ARSJ: variants seen among roughly 807,000 people sequenced by gnomAD.
ARSJ encodes arylsulfatase J.
In ARSJ, 26 loss-of-function variants were observed where a neutral mutation model predicts 35.9. That is an observed-to-expected ratio of 0.72 (90% confidence interval 0.53 to 1.00). The LOEUF (loss-of-function observed/expected upper bound fraction) is 1.00. ARSJ is among the 50% of genes least tolerant of loss of function. The probability of loss-of-function intolerance (pLI) is 0.00; values close to 1 mark genes in which losing one functional copy is unlikely to be tolerated. For synonymous variants in ARSJ, 294 were observed against 267.6 expected (o/e 1.10, Z -0.96); for missense variants, 667 against 723.6 (o/e 0.92, Z 0.90).
intron 1 of ARSJ, among the ~76,000 whole-genome samples, chr4:113,975,970 G>A (rs1727565817): frequency 6.6e-6 from 1 of 152,042 alleles, no homozygotes; most frequent in Admixed American, 6.5e-5. Flanking sequence ...CAGAGATTAG[G>A]GCTCACTTCT....
Position 113,903,455 on chromosome 4 carries a change from A to C in ARSJ, c.619T>G (p.Tyr207Asp). The change falls in exon 2 of 2, where the codon TAT (tyrosine) becomes GAT (aspartate). Residue 207 changes from tyrosine (Y) to aspartate (D), a missense_variant. Transcript: ENST00000315366. ...FGSLLGSGDY[Y>D]THYKCDSPGM... ...GGACTGTCACATTTGTAGTGTGTAT[A>C]GTAATCCCCACTTCCCAAAAGGGAA... The C allele has an allele frequency of 6.2e-7, 1 of 1,614,212 alleles. No individual in the cohort carries two copies.
At chr4:113,954,793 T>C (rs1477436287) in intron 1 of ARSJ, among the ~76,000 whole-genome samples, 3 of 152,208 alleles carry the variant, frequency 2.0e-5, no homozygotes, top group South Asian at 4.1e-4. Context: ...AAAATGTCCA[T>C]GGGCATTCTA....
At chr4:113,915,957 GA>G (rs1478736054) in intron 1 of ARSJ, among the ~76,000 whole-genome samples, 1 of 152,166 alleles carries the variant, frequency 6.6e-6, no homozygotes, top group East Asian at 1.9e-4. Flanking sequence ...TTATAGACTG[GA>G]AAGGACACTA....
At chr4:113,923,959 C>G (rs188533001) in intron 1 of ARSJ, among the ~76,000 whole-genome samples, 97 of 148,482 alleles carry the variant, frequency 6.5e-4, no homozygotes, top group African/African-American at 2.3e-3. Context: ...TTTGTCTTCT[C>G]TGTGCTTTAG....
chr4:113,978,824 C>T lies in ARSJ; in HGVS notation c.11G>A (p.Arg4Lys). 6.2e-7 allele frequency: 1 copy of T among 1,601,242 alleles called. No homozygotes were observed. The highest frequency in any genetic ancestry group is 1.3e-5 in the African/African-American group (1 of 74,468). Residue 4 changes from arginine to lysine, a missense_variant, in exon 1 of 2, where the codon AGG (arginine) becomes AAG (lysine). By Grantham distance (26) the Arg-to-Lys change is conservative. Transcript: ENST00000315366. Reference protein sequence around the residue: MAPRGCAGHPPPPS... With the variant: MAPKGCAGHPPPPS... ...CGGAGGCGGATGCCCCGCACAGCCC[C>T]TGGGAGCCATTCACTCAGGTCCCAG...
rs761085854 is a variant in ARSJ, at chr4:113,978,785, G to A, written c.50C>T (p.Ala17Val). The change falls in exon 1 of 2, where the codon GCC (alanine) becomes GTC (valine). Residue 17 changes from alanine to valine, a missense_variant. By Grantham distance (64) the Ala-to-Val change is moderately conservative. Coordinates refer to ENST00000315366, the MANE Select transcript of ARSJ (RefSeq NM_024590.4). Reference sequence around the variant, plus strand: ...TAGCATCTTTCCAGGACAGACACAGGCCTGTGGAGAAGGCGGAGGCGGATG... The same window carrying A: ...TAGCATCTTTCCAGGACAGACACAGACCTGTGGAGAAGGCGGAGGCGGATG... ...AGHPPPPSPQ[A>V]CVCPGKMLAM... 1.7e-5 allele frequency: 27 copies of A among 1,613,992 alleles called. No homozygotes were observed. The highest frequency in any genetic ancestry group is 2.3e-5 in the Non-Finnish European group (27 of 1,179,920).
chr4:113,901,952 C>T lies in ARSJ; in HGVS notation c.*322G>A. On this transcript the variant is annotated 3_prime_UTR_variant, in exon 2 of 2. Coordinates refer to ENST00000315366, the MANE Select transcript of ARSJ (RefSeq NM_024590.4). ...TTGCGGATGGTAGGTTATTGTTCTC[C>T]TCCTATAATTCAAAGCAGTGTTTGG... 1 of 444,092 alleles carries T rather than the reference C, an allele frequency of 2.3e-6. No individual in the cohort carries two copies. The highest frequency in any genetic ancestry group is 2.4e-5 in the South Asian group (1 of 42,294). The allele number at this position is 444,092 out of a possible 1,614,324, so 27.5% of individuals were successfully genotyped here.
chr4:113,975,811 T>C (rs1327202726), intron 1 of ARSJ, among the ~76,000 whole-genome samples: 14 of 152,214 alleles, frequency 9.2e-5, no homozygotes, highest in Non-Finnish European at 4.4e-5. Flanking sequence ...GATGATGTCA[T>C]CATCACAATA....
At chr4:113,916,638 AC>A (rs1224534035) in intron 1 of ARSJ, among the ~76,000 whole-genome samples, 2 of 152,090 alleles carry the variant, frequency 1.3e-5, no homozygotes, top group Non-Finnish European at 2.9e-5. Flanking sequence ...AAAACATGAT[AC>A]CATTGCTTGG....
chr4:113,923,337 T>C (rs1182605422), intron 1 of ARSJ, among the ~76,000 whole-genome samples: 2 of 152,190 alleles, frequency 1.3e-5, no homozygotes, highest in Non-Finnish European at 2.9e-5. Context: ...TCTTGAACTT[T>C]CAGAGAATAA....
intron 1 of ARSJ, among the ~76,000 whole-genome samples, chr4:113,941,441 G>A (rs66541719): frequency 0.27 from 41,331 of 151,900 alleles, 5,914 homozygotes; most frequent in Middle Eastern, 0.4. Context: ...CAAAGATGAG[G>A]AGGCATGGCA....
chr4:113,977,587 G>A (rs541572789), intron 1 of ARSJ, among the ~76,000 whole-genome samples: 3 of 152,178 alleles, frequency 2.0e-5, no homozygotes, highest in Admixed American at 6.5e-5. Flanking sequence ...GTTTATCTTC[G>A]TTCCACAGGC....
intron 1 of ARSJ, among the ~76,000 whole-genome samples, chr4:113,923,652 T>C (rs1434947590): frequency 6.6e-6 from 1 of 152,054 alleles, no homozygotes; most frequent in African/African-American, 2.4e-5. Flanking sequence ...TCCAACATCC[T>C]ATTTGCACTG....
rs1380540573 is a variant in ARSJ at position 113,903,575 on chromosome 4, C to A, written c.499G>T (p.Val167Phe). 2 of 1,614,072 alleles carry A rather than the reference C, an allele frequency of 1.2e-6. No homozygotes were observed. Among genetic ancestry groups the A allele is most frequent in the African/African-American group, 1.3e-5 (1 of 74,930 alleles). The change falls in exon 2 of 2, where the codon GTT (valine) becomes TTT (phenylalanine). Residue 167 changes from valine (V) to phenylalanine (F), a missense_variant. Coordinates refer to ENST00000315366, the MANE Select transcript of ARSJ (RefSeq NM_024590.4). Reference protein sequence around the residue: ...NATLPQKLKEVGYSTHMVGKW... With the variant: ...NATLPQKLKEFGYSTHMVGKW... ...CCGACCATATGCGTTGAATATCCAA[C>A]CTCCTTCAGTTTCTGAGGTAGGGTG...
At chr4:113,915,392 T>C (rs1723233232) in intron 1 of ARSJ, among the ~76,000 whole-genome samples, 1 of 152,142 alleles carries the variant, frequency 6.6e-6, no homozygotes, top group African/African-American at 2.4e-5. Flanking sequence ...ACTTTATAAG[T>C]AGCTTATTTA....
chr4:113,933,115 T>C (rs1243138029), intron 1 of ARSJ, among the ~76,000 whole-genome samples: 1 of 151,746 alleles, frequency 6.6e-6, no homozygotes, highest in Non-Finnish European at 1.5e-5. Context: ...CTATAAGAAA[T>C]GGATAAATTG....
At chr4:113,963,190 G>A (rs1458691547) in intron 1 of ARSJ, among the ~76,000 whole-genome samples, 1 of 151,864 alleles carries the variant, frequency 6.6e-6, no homozygotes, top group Non-Finnish European at 1.5e-5. Context: ...GTGTCTTCTT[G>A]CACTAGAATA....
intron 1 of ARSJ, among the ~76,000 whole-genome samples, chr4:113,911,979 G>C (rs6533727): frequency 0.67 from 102,035 of 151,998 alleles, 35,225 homozygotes; most frequent in Non-Finnish European, 0.76. Flanking sequence ...GTGTGCTACC[G>C]AAATTAGATC....
intron 1 of ARSJ, among the ~76,000 whole-genome samples, chr4:113,957,261 C>T (rs970922395): frequency 2.0e-5 from 3 of 151,930 alleles, no homozygotes; most frequent in African/African-American, 7.2e-5. Context: ...TTTTAGCTCT[C>T]CAAAAAGTAT....
Sources: allele counts gnomAD v4.1 joint callset (sites outside exome capture counted in the v4.1 genomes callset), GRCh38; gene constraint gnomAD v4.1.1; transcripts MANE v1.5; gene names NCBI Gene and HGNC (gene_info 2026-07-23, HGNC 2026-07-21).